Variants in ARHGAP6 observed in about 807,000 individuals in gnomAD.
The protein encoded by ARHGAP6 is rho GTPase-activating protein 6.
Under a neutral mutation model 55.7 loss-of-function variants are expected in ARHGAP6, and 16 were observed. That is an observed-to-expected ratio of 0.29 (90% CI 0.19 to 0.44). The LOEUF (loss-of-function observed/expected upper bound fraction) is 0.44. Among genes scored for constraint, ARHGAP6 ranks in the 20% least tolerant of loss-of-function variants. The probability of loss-of-function intolerance (pLI) is 1.00; values close to 1 mark genes in which losing one functional copy is unlikely to be tolerated. For missense variants in ARHGAP6, 698 were observed against 808.9 expected (o/e 0.86, Z 1.66); for synonymous variants, 382 against 360.9 (o/e 1.06, Z -0.66).
intron 1 of ARHGAP6, among the ~76,000 whole-genome samples, chrX:11,325,485 CTAAATA>C (rs926005043): frequency 3.6e-5 from 4 of 111,857 alleles, no homozygotes; most frequent in Non-Finnish European, 5.6e-5. Context: ...TCATTTACCA[CTAAATA>C]TAATCAAATT....
At chrX:11,308,198 A>G (rs113851279) in intron 1 of ARHGAP6, among the ~76,000 whole-genome samples, 1,289 of 112,026 alleles carry the variant, frequency 0.012, 26 homozygotes, top group African/African-American at 0.039. Context: ...ATAAACCAAT[A>G]TAAGTTTAGG....
chrX:11,315,635 T>G (rs1432698833), intron 1 of ARHGAP6, among the ~76,000 whole-genome samples: 1 of 111,935 alleles, frequency 8.9e-6, no homozygotes. Flanking sequence ...ATTCCAGAAT[T>G]TGAAAGAGCT....
intron 8 of ARHGAP6, 77 bp from the exon 9 acceptor site, chrX:11,169,761 C>A: frequency 1.2e-6 from 1 of 809,555 alleles, no homozygotes; most frequent in Non-Finnish European, 1.7e-6. Context: ...ATCAATGAAA[C>A]CTTTTACTCT....
intron 1 of ARHGAP6, among the ~76,000 whole-genome samples, chrX:11,656,044 C>A (rs1478002736): frequency 8.9e-6 from 1 of 112,367 alleles, no homozygotes; most frequent in African/African-American, 3.2e-5. Context: ...ACAAATGGAG[C>A]CTTCTCAGGT....
At chrX:11,560,954 C>T (rs759689385) in intron 1 of ARHGAP6, among the ~76,000 whole-genome samples, 16 of 112,203 alleles carry the variant, frequency 1.4e-4, no homozygotes, top group African/African-American at 5.2e-4. Flanking sequence ...ATGACAGTCT[C>T]TCAAAACTGA....
chrX:11,514,421 G>C (rs1204886844), intron 1 of ARHGAP6, among the ~76,000 whole-genome samples: 2 of 109,970 alleles, frequency 1.8e-5, no homozygotes, highest in African/African-American at 6.6e-5. Flanking sequence ...TGTCGTGGGG[G>C]AATATCCTCT....
intron 1 of ARHGAP6, among the ~76,000 whole-genome samples, chrX:11,358,510 A>T (rs1397514824): frequency 1.0e-4 from 5 of 48,863 alleles, no homozygotes; most frequent in Admixed American, 2.7e-4. Flanking sequence ...ACAGAGTTTT[A>T]CTCTTGTTGC....
intron 1 of ARHGAP6, among the ~76,000 whole-genome samples, chrX:11,302,782 C>T (rs1238461315): frequency 9.0e-6 from 1 of 110,888 alleles, no homozygotes; most frequent in Non-Finnish European, 1.9e-5. Flanking sequence ...TATTCATTAT[C>T]ACCACCAAGA....
At chrX:11,371,811 A>T (rs1239275973) in intron 1 of ARHGAP6, among the ~76,000 whole-genome samples, 1 of 112,480 alleles carries the variant, frequency 8.9e-6, no homozygotes, top group East Asian at 2.8e-4. Context: ...TCATATCCTA[A>T]TATCTACATA....
chrX:11,428,006 G>A (rs1300078285), intron 1 of ARHGAP6, among the ~76,000 whole-genome samples: 2 of 112,558 alleles, frequency 1.8e-5, no homozygotes, highest in African/African-American at 6.4e-5. Flanking sequence ...TGGCCGGCAC[G>A]CCTGCCTCCT....
intron 1 of ARHGAP6, among the ~76,000 whole-genome samples, chrX:11,556,227 C>T (rs752642217): frequency 8.9e-6 from 1 of 111,937 alleles, no homozygotes; most frequent in Non-Finnish European, 1.9e-5. Context: ...TATCATCCTC[C>T]TCAAAATGCT....
intron 1 of ARHGAP6, among the ~76,000 whole-genome samples, chrX:11,357,967 A>G (rs1304365706): frequency 8.9e-6 from 1 of 111,889 alleles, no homozygotes; most frequent in Non-Finnish European, 1.9e-5. Context: ...GAGTCATGCA[A>G]CCATTACCAC....
intron 1 of ARHGAP6, among the ~76,000 whole-genome samples, chrX:11,410,993 A>C (rs1434060851): frequency 9.4e-6 from 1 of 106,756 alleles, no homozygotes. Context: ...AAAATGGGTG[A>C]AAAGTTGTTT....
intron 1 of ARHGAP6, among the ~76,000 whole-genome samples, chrX:11,561,540 A>G (rs2051384133): frequency 8.9e-6 from 1 of 112,302 alleles, no homozygotes; most frequent in African/African-American, 3.2e-5. Flanking sequence ...GAGACCTTTA[A>G]TAAAAGCACA....
intron 1 of ARHGAP6, among the ~76,000 whole-genome samples, chrX:11,426,339 C>T (rs1475020942): frequency 1.8e-5 from 2 of 108,400 alleles, no homozygotes; most frequent in Non-Finnish European, 3.8e-5. Flanking sequence ...TCCACCTCTA[C>T]TCCTTTCTTC....
intron 1 of ARHGAP6, among the ~76,000 whole-genome samples, chrX:11,274,702 G>T (rs751410850): frequency 2.7e-5 from 3 of 110,582 alleles, no homozygotes; most frequent in Non-Finnish European, 5.7e-5. Flanking sequence ...TGACATGGTG[G>T]TTTGCTGTAC....
chrX:11,477,039 T>G (rs200059312), intron 1 of ARHGAP6, among the ~76,000 whole-genome samples: 1 of 109,465 alleles, frequency 9.1e-6, no homozygotes, highest in African/African-American at 3.3e-5. Context: ...AGGCAAGACA[T>G]AGACTAGGAA....
chrX:11,636,905 C>T (rs2052425880), intron 1 of ARHGAP6, among the ~76,000 whole-genome samples: 1 of 111,169 alleles, frequency 9.0e-6, no homozygotes, highest in African/African-American at 3.3e-5. Context: ...AAATTTTGGT[C>T]AGGCCAAATT....
intron 2 of ARHGAP6, chrX:11,224,081 T>C (rs1318176675): frequency 7.3e-6 from 1 of 137,340 alleles, no homozygotes; most frequent in East Asian, 1.8e-4. Context: ...CATCTCTCTA[T>C]GACATATGAC....
Sources: gnomAD v4.1 joint callset for allele counts (sites outside exome capture counted in the v4.1 genomes callset) on GRCh38, gnomAD v4.1.1 for gene constraint, MANE v1.5 for transcripts, NCBI Gene and HGNC (gene_info 2026-07-23, HGNC 2026-07-21) for gene names.